AKAP13: variants seen among roughly 807,000 people sequenced by gnomAD.
The protein encoded by AKAP13 is A-kinase anchoring protein 13.
AKAP13 carries 80 observed loss-of-function variants against 264.5 expected under a neutral mutation model. The ratio of observed to expected loss-of-function variants is 0.30; its 90% CI spans 0.25 to 0.36. The LOEUF (loss-of-function observed/expected upper bound fraction) is 0.36, where lower values mean the gene tolerates loss of function less well. Ranked by LOEUF, AKAP13 falls within the 10% of genes least tolerant of loss-of-function variation. The pLI, the probability that AKAP13 is intolerant of heterozygous loss-of-function variation, is 1.00. For synonymous variants in AKAP13, 1,380 were observed against 1,250.2 expected, an observed-to-expected ratio of 1.10 and a Z score of -2.19; for missense variants, 3,712 against 3,435.2, an observed-to-expected ratio of 1.08 and a Z score of -2.01.
intron 5 of AKAP13, among the ~76,000 whole-genome samples, chr15:85,560,735 G>A (rs2078341634): frequency 6.6e-6 from 1 of 152,090 alleles, no homozygotes; most frequent in Non-Finnish European, 1.5e-5. Flanking sequence ...ACTAGTGAGT[G>A]CTAGAGTGAG....
At chr15:85,459,014 T>G (rs2074398651) in intron 1 of AKAP13, among the ~76,000 whole-genome samples, 2 of 152,220 alleles carry the variant, frequency 1.3e-5, no homozygotes, top group Admixed American at 1.3e-4. Context: ...CTATATCACT[T>G]TTGTGCGAAT....
intron 1 of AKAP13, among the ~76,000 whole-genome samples, chr15:85,436,011 C>G (rs1442861912): frequency 6.8e-6 from 1 of 147,470 alleles, no homozygotes; most frequent in Non-Finnish European, 1.5e-5. Flanking sequence ...AATTAAAAGA[C>G]ACAGACTGGC....
intron 8 of AKAP13, chr15:85,620,029 TC>T: frequency 1.3e-6 from 2 of 1,533,690 alleles, no homozygotes; most frequent in South Asian, 2.4e-5. Flanking sequence ...CTTGCACTGG[TC>T]CCCAAGTTAA....
At chr15:85,735,265 T>TGA in intron 31 of AKAP13, 115 bp downstream of exon 31, 1 of 1,394,418 alleles carries the variant, frequency 7.2e-7, no homozygotes, top group Non-Finnish European at 9.7e-7. Context: ...AATTTCTTAG[T>TGA]GAGATTTCAA....
chr15:85,653,820 A>G (rs182087382), intron 10 of AKAP13, among the ~76,000 whole-genome samples: 1 of 152,336 alleles, frequency 6.6e-6, no homozygotes, highest in East Asian at 1.9e-4. Context: ...GACAGTGTCC[A>G]CATCTTAAGA....
chr15:85,505,324 A>G (rs992571581), intron 2 of AKAP13, among the ~76,000 whole-genome samples: 3 of 152,218 alleles, frequency 2.0e-5, no homozygotes, highest in African/African-American at 7.2e-5. Flanking sequence ...TTTAAGAATT[A>G]TCCTGTATCT....
intron 1 of AKAP13, among the ~76,000 whole-genome samples, 168 bp from the exon 2 acceptor site, chr15:85,485,542 G>A (rs1596314372): frequency 1.3e-5 from 2 of 152,084 alleles, no homozygotes; most frequent in Non-Finnish European, 1.5e-5. Context: ...TCCTGACCCC[G>A]CTTCCTTCCT....
At chr15:85,399,523 TA>T (rs1367253621) in intron 1 of AKAP13, among the ~76,000 whole-genome samples, 4 of 78,030 alleles carry the variant, frequency 5.1e-5, no homozygotes, top group East Asian at 2.7e-4. Context: ...AAAAAAAAAA[TA>T]AAAAAATAAA....
At position 85,744,969 on chromosome 15, in the gene AKAP13, G is replaced by C; in HGVS notation, c.*292G>C. The C allele has an allele frequency of 6.3e-6, 2 of 316,288 alleles. No individual in the cohort carries two copies. The highest frequency in any genetic ancestry group is 1.2e-5 in the Non-Finnish European group (2 of 171,890). The allele number at this position is 316,288 out of a possible 1,614,324, so 19.6% of individuals were successfully genotyped here. A position where few individuals can be genotyped will look rare whatever the true frequency, so the allele number is the denominator to read the frequency against. On this transcript the variant is annotated 3_prime_UTR_variant, in exon 37 of 37. Coordinates refer to ENST00000394518, the MANE Select transcript of AKAP13 (RefSeq NM_007200.5). ...TAATGGCCTCGTAAGTACAGGTGAT[G>C]GTTTTGGACACGTCAGGAATTCCTA...
intron 2 of AKAP13, among the ~76,000 whole-genome samples, chr15:85,501,985 G>A (rs2076049353): frequency 6.6e-6 from 1 of 152,190 alleles, no homozygotes; most frequent in African/African-American, 2.4e-5. Flanking sequence ...AACTGGTACG[G>A]CGGAGCATGG....
At chr15:85,572,689 CTG>C (rs1167869191) in intron 5 of AKAP13, among the ~76,000 whole-genome samples, 1 of 151,906 alleles carries the variant, frequency 6.6e-6, no homozygotes, top group Non-Finnish European at 1.5e-5. Flanking sequence ...TATTATTACA[CTG>C]TAAGTTCTGG....
At chr15:85,524,463 C>T (rs779825582) in intron 3 of AKAP13, among the ~76,000 whole-genome samples, 13 of 151,944 alleles carry the variant, frequency 8.6e-5, no homozygotes, top group African/African-American at 2.4e-4. Context: ...CGTGAGCCAC[C>T]GTGCCCAGCC....
chr15:85,415,174 G>A (rs1411131478), intron 1 of AKAP13: 3 of 1,061,670 alleles, frequency 2.8e-6, no homozygotes, highest in South Asian at 1.3e-5. Flanking sequence ...GTGACAGCAC[G>A]CTGCCACGCC....
At chr15:85,504,535 A>AAAAAAAAAAAAAAAT (rs2076144572) in intron 2 of AKAP13, among the ~76,000 whole-genome samples, 1 of 119,296 alleles carries the variant, frequency 8.4e-6, no homozygotes, top group Non-Finnish European at 1.8e-5. Flanking sequence ...AAAAAAAAAA[A>AAAAAAAAAAAAAAAT]GAAAAAATTA....
intron 1 of AKAP13, among the ~76,000 whole-genome samples, chr15:85,383,373 G>A (rs901322316): frequency 1.3e-5 from 2 of 152,180 alleles, no homozygotes; most frequent in African/African-American, 4.8e-5. Flanking sequence ...TACTCCATAA[G>A]CGTTAGTAAC....
At chr15:85,478,796 G>A (rs2075263036) in intron 1 of AKAP13, among the ~76,000 whole-genome samples, 1 of 151,798 alleles carries the variant, frequency 6.6e-6, no homozygotes, top group South Asian at 2.1e-4. Flanking sequence ...GGGCAGAGCA[G>A]GGCTAACTGT....
intron 2 of AKAP13, among the ~76,000 whole-genome samples, chr15:85,511,784 G>C (rs904284292): frequency 1.3e-5 from 2 of 152,062 alleles, no homozygotes; most frequent in African/African-American, 2.4e-5. Context: ...GAGCCACTGC[G>C]CCTGGCCCAA....
At chr15:85,469,810 A>G (rs191049464) in intron 1 of AKAP13, among the ~76,000 whole-genome samples, 1 of 152,372 alleles carries the variant, frequency 6.6e-6, no homozygotes, top group East Asian at 1.9e-4. Context: ...TTTACAATCT[A>G]CATGCCATGT....
intron 1 of AKAP13, among the ~76,000 whole-genome samples, chr15:85,476,386 G>A (rs1004029891): frequency 1.3e-5 from 2 of 152,156 alleles, no homozygotes; most frequent in Non-Finnish European, 2.9e-5. Context: ...CTTTTATTTA[G>A]AATTAGGGAT....
Sources: gnomAD v4.1 joint callset for allele counts (sites outside exome capture counted in the v4.1 genomes callset) on GRCh38, gnomAD v4.1.1 for gene constraint, MANE v1.5 for transcripts, NCBI Gene and HGNC (gene_info 2026-07-23, HGNC 2026-07-21) for gene names.